B3GALT1: variants seen among roughly 807,000 people sequenced by gnomAD.
B3GALT1 encodes the protein beta-1,3-galactosyltransferase 1.
B3GALT1 carries 10 observed loss-of-function variants against 23.2 expected under a neutral mutation model. The ratio of observed to expected loss-of-function variants is 0.43; its 90% CI spans 0.27 to 0.73. B3GALT1 has a LOEUF of 0.73. B3GALT1 is among the 30% of genes least tolerant of loss of function. The probability of loss-of-function intolerance (pLI) is 0.21; values close to 1 mark genes in which losing one functional copy is unlikely to be tolerated. For missense variants in B3GALT1, 299 were observed against 405.4 expected (o/e 0.74, Z 2.25); for synonymous variants, 156 against 141.5 (o/e 1.10, Z -0.73).
intron 1 of B3GALT1, among the ~76,000 whole-genome samples, chr2:167,471,587 C>A (rs556951740): frequency 6.6e-6 from 1 of 152,218 alleles, no homozygotes; most frequent in Non-Finnish European, 1.5e-5. Flanking sequence ...TGTAGTGAAC[C>A]AGCTTCAAGA....
intron 1 of B3GALT1, among the ~76,000 whole-genome samples, chr2:167,441,068 G>A (rs1463078680): frequency 6.6e-6 from 1 of 152,112 alleles, no homozygotes; most frequent in Non-Finnish European, 1.5e-5. Context: ...GATCCTCAGG[G>A]ACAGTGAACC....
At chr2:167,664,559 A>G (rs897077651) in intron 3 of B3GALT1, among the ~76,000 whole-genome samples, 8 of 147,382 alleles carry the variant, frequency 5.4e-5, no homozygotes, top group East Asian at 4.2e-4. Context: ...GGGCAGTATG[A>G]CCATTTTCAC....
intron 4 of B3GALT1, among the ~76,000 whole-genome samples, 169 bp downstream of exon 4, chr2:167,818,962 C>A (rs2105362464): frequency 6.6e-6 from 1 of 151,840 alleles, no homozygotes; most frequent in African/African-American, 2.4e-5. Context: ...CTATAGTATG[C>A]AAAATATCCT....
At chr2:167,530,848 T>C (rs1683314731) in intron 2 of B3GALT1, among the ~76,000 whole-genome samples, 1 of 152,148 alleles carries the variant, frequency 6.6e-6, no homozygotes, top group African/African-American at 2.4e-5. Context: ...CTCATTTCTT[T>C]TGTAGATCTT....
chr2:167,489,949 G>A (rs1699683448), intron 1 of B3GALT1, among the ~76,000 whole-genome samples: 1 of 152,110 alleles, frequency 6.6e-6, no homozygotes, highest in Admixed American at 6.5e-5. Flanking sequence ...AAAGACAGAT[G>A]TCTTTGAATA....
intron 3 of B3GALT1, among the ~76,000 whole-genome samples, chr2:167,655,990 C>T (rs1242205306): frequency 2.6e-5 from 4 of 152,096 alleles, no homozygotes; most frequent in Non-Finnish European, 5.9e-5. Context: ...GTATTCCATA[C>T]GTTGTGTCAG....
chr2:167,609,628 A>G (rs1435268960), intron 2 of B3GALT1, among the ~76,000 whole-genome samples: 1 of 152,154 alleles, frequency 6.6e-6, no homozygotes, highest in Non-Finnish European at 1.5e-5. Flanking sequence ...GATCTCTCCT[A>G]AGAGCTAGGA....
intron 2 of B3GALT1, among the ~76,000 whole-genome samples, chr2:167,510,407 G>GTTT (rs35191590): frequency 4.5e-5 from 5 of 111,082 alleles, no homozygotes; most frequent in Non-Finnish European, 1.0e-4. Context: ...TGCAAGTTTT[G>GTTT]TTTTTTTTTT....
chr2:167,844,271 T>TCCAC (rs1397978023), intron 4 of B3GALT1, among the ~76,000 whole-genome samples: 6 of 152,146 alleles, frequency 3.9e-5, no homozygotes, highest in African/African-American at 7.2e-5. Context: ...GGATTGCAGC[T>TCCAC]CCACACAGAG....
At chr2:167,407,335 C>T (rs1338007062) in intron 1 of B3GALT1, among the ~76,000 whole-genome samples, 2 of 151,954 alleles carry the variant, frequency 1.3e-5, no homozygotes, top group Non-Finnish European at 2.9e-5. Context: ...TTGGATACAG[C>T]AAAGCAGCAC....
At chr2:167,432,620 C>T (rs1698722333) in intron 1 of B3GALT1, among the ~76,000 whole-genome samples, 1 of 152,218 alleles carries the variant, frequency 6.6e-6, no homozygotes, top group South Asian at 2.1e-4. Flanking sequence ...AAAGAATCTC[C>T]TGCCCTATTT....
intron 2 of B3GALT1, among the ~76,000 whole-genome samples, chr2:167,494,271 A>T (rs1291736818): frequency 2.6e-5 from 4 of 152,024 alleles, no homozygotes; most frequent in African/African-American, 9.7e-5. Context: ...ATACAGTTGC[A>T]TCTATATTCA....
intron 3 of B3GALT1, among the ~76,000 whole-genome samples, chr2:167,695,639 CTTTTAACCT>C: frequency 6.6e-6 from 1 of 152,232 alleles, no homozygotes; most frequent in Middle Eastern, 3.4e-3. Context: ...CTGCTTCTGC[CTTTTAACCT>C]TTGTGATCCC....
intron 1 of B3GALT1, among the ~76,000 whole-genome samples, chr2:167,465,358 C>T (rs1699328447): frequency 6.6e-6 from 1 of 152,034 alleles, no homozygotes; most frequent in Admixed American, 6.6e-5. Context: ...AACAAAAATA[C>T]CTTAGATTGG....
intron 1 of B3GALT1, among the ~76,000 whole-genome samples, chr2:167,362,911 A>G (rs1697519590): frequency 6.6e-6 from 1 of 152,244 alleles, no homozygotes; most frequent in South Asian, 2.1e-4. Flanking sequence ...GCTGGAGTGC[A>G]GTGGTGTGAG....
rs1210740563 is a variant in B3GALT1, at chr2:167,665,132, G to A, written c.-352+18166G>A. On this transcript the variant is annotated intron_variant, in intron 3 of 4. Transcript: ENST00000392690. Reference sequence around the variant, plus strand: ...GTTAGCTCTTATTATTTTGAGATATGTCCCATCAATACCTAATTTATTGAG... The same window carrying A: ...GTTAGCTCTTATTATTTTGAGATATATCCCATCAATACCTAATTTATTGAG... Among the ~76,000 whole-genome samples the A allele has an allele frequency of 9.9e-5, 15 of 151,676 alleles. No homozygotes were observed. The South Asian group carries it at 2.7e-3, about 27-fold the overall frequency.
At chr2:167,760,876 A>G (rs1054489130) in intron 3 of B3GALT1, among the ~76,000 whole-genome samples, 3 of 152,336 alleles carry the variant, frequency 2.0e-5, no homozygotes, top group African/African-American at 4.8e-5. Context: ...GATGTCACCC[A>G]TATCTTTGGC....
chr2:167,398,995 C>A lies in B3GALT1; in HGVS notation c.-510-91182C>A, dbSNP rs1457412891. On this transcript the variant is annotated intron_variant, in intron 1 of 4. Coordinates refer to ENST00000392690, the MANE Select transcript of B3GALT1 (RefSeq NM_020981.4). ...AAGACCTTACTGACTGAAAATAATC[C>A]ACAGGGTTCACAGCAGTTTGAGCAG... is the stretch of plus-strand genomic sequence containing the variant. 4.6e-5 allele frequency among the ~76,000 whole-genome samples: 7 copies of A among 152,244 alleles called. No homozygotes were observed. The East Asian group carries it at 1.4e-3, about 29-fold the overall frequency.
rs529008194 is a variant in B3GALT1 at position 167,583,086 on chromosome 2, A to G, written c.-409-63823A>G. ...CTCAAGGCCCATGAGGGAGAGGGACAAGAACTCCTCTGCTCTCAGTGTTAC... is the reference window on the plus strand; with the variant it reads ...CTCAAGGCCCATGAGGGAGAGGGACGAGAACTCCTCTGCTCTCAGTGTTAC... On this transcript the variant is annotated intron_variant, in intron 2 of 4. Transcript: ENST00000392690. 2.0e-5 allele frequency among the ~76,000 whole-genome samples: 3 copies of G among 152,330 alleles called. No homozygotes were observed. The South Asian group carries it at 6.2e-4, about 32-fold the overall frequency.
Sources: gnomAD v4.1 joint callset for allele counts (sites outside exome capture counted in the v4.1 genomes callset) on GRCh38, gnomAD v4.1.1 for gene constraint, MANE v1.5 for transcripts, NCBI Gene and HGNC (gene_info 2026-07-23, HGNC 2026-07-21) for gene names.